The following PCCA variants were observed in gnomAD, a reference collection of about 807,000 sequenced individuals.
PCCA encodes the protein propionyl-CoA carboxylase alpha chain, mitochondrial.
In PCCA, 74 loss-of-function variants were observed where a neutral mutation model predicts 101.3. The observed-to-expected ratio is 0.73, with a 90% CI of 0.61 to 0.89. The LOEUF is 0.89. Ranked by LOEUF, PCCA falls within the 40% of genes least tolerant of loss-of-function variation. The probability of loss-of-function intolerance (pLI) is 0.00; values close to 1 mark genes in which losing one functional copy is unlikely to be tolerated. For synonymous variants in PCCA, 294 were observed against 313.6 expected, an observed-to-expected ratio of 0.94 and a Z score of 0.66; for missense variants, 891 against 907.0, an observed-to-expected ratio of 0.98 and a Z score of 0.23.
chr13:100,343,146 A>G (rs1454090548), intron 18 of PCCA, among the ~76,000 whole-genome samples: 1 of 152,222 alleles, frequency 6.6e-6, no homozygotes, highest in Non-Finnish European at 1.5e-5. Context: ...CAGTGAGCCA[A>G]GAATGCGCCA....
intron 7 of PCCA, among the ~76,000 whole-genome samples, chr13:100,218,086 A>G (rs1594779403): frequency 6.6e-6 from 1 of 151,960 alleles, no homozygotes. Context: ...AAAAAAAAAA[A>G]AATCCATTCA....
intron 2 of PCCA, among the ~76,000 whole-genome samples, chr13:100,105,409 C>T (rs1275903785): frequency 6.6e-6 from 1 of 152,124 alleles, no homozygotes; most frequent in Non-Finnish European, 1.5e-5. Context: ...TGGCTACACT[C>T]TTAAGAGTAA....
intron 19 of PCCA, among the ~76,000 whole-genome samples, chr13:100,377,284 G>A (rs773975588): frequency 1.3e-5 from 2 of 152,160 alleles, no homozygotes; most frequent in Non-Finnish European, 2.9e-5. Flanking sequence ...TGAGAAAAAT[G>A]TCTTTTTACT....
intron 6 of PCCA, among the ~76,000 whole-genome samples, chr13:100,197,980 A>C (rs1373890775): frequency 6.6e-6 from 1 of 152,184 alleles, no homozygotes; most frequent in Non-Finnish European, 1.5e-5. Flanking sequence ...AACCAAAACT[A>C]TTTACATTCG....
chr13:100,241,591 C>T, intron 8 of PCCA, among the ~76,000 whole-genome samples: 1 of 152,126 alleles, frequency 6.6e-6, no homozygotes, highest in East Asian at 1.9e-4. Flanking sequence ...CTGCCTTACC[C>T]TCCTGAGTAG....
rs374085198 is a variant in PCCA at position 100,383,745 on chromosome 13, A to G, written c.1746+15171A>G. ...TTTCATCTTAGATGCTTGAGGTGGA[A>G]GGAGGGAATTGTTTTGTAGTATTCA... On this transcript the variant is annotated intron_variant, in intron 19 of 23. Transcript: ENST00000376285. 1.1e-3 allele frequency among the ~76,000 whole-genome samples: 165 copies of G among 152,316 alleles called. 6 individuals are homozygous for G. The South Asian group carries it at 0.031, about 29-fold the overall frequency.
Position 100,521,842 on chromosome 13 carries a change from CGG to C in PCCA, c.2041-5832_2041-5831del, listed in dbSNP as rs1333059459. Among the ~76,000 whole-genome samples the C allele has an allele frequency of 8.5e-5, 13 of 152,264 alleles. No individual in the cohort carries two copies. The East Asian group carries it at 2.5e-3, about 29-fold the overall frequency. On this transcript the variant is annotated intron_variant, in intron 22 of 23. Transcript: ENST00000376285. The stretch of plus-strand genomic sequence containing the variant: ...GGGCTGATATTGATCCGTGTTTTTC[CGG>C]TGGTCCGGCGTTGCAGAAGTGGAAA...
At chr13:100,426,141 C>T (rs936003058) in intron 20 of PCCA, among the ~76,000 whole-genome samples, 4 of 152,112 alleles carry the variant, frequency 2.6e-5, no homozygotes, top group Non-Finnish European at 5.9e-5. Flanking sequence ...TGACTTTCCA[C>T]AGCTCACTGA....
intron 21 of PCCA, chr13:100,491,938 C>T (rs1361979832): frequency 1.7e-5 from 4 of 233,932 alleles, no homozygotes; most frequent in Non-Finnish European, 3.1e-5. Context: ...TCTAATGATG[C>T]CGAATTGTAA....
At chr13:100,380,630 A>G (rs1374219889) in intron 19 of PCCA, among the ~76,000 whole-genome samples, 1 of 152,252 alleles carries the variant, frequency 6.6e-6, no homozygotes, top group Non-Finnish European at 1.5e-5. Flanking sequence ...CTGGGTTCAC[A>G]TGTAAAGGAA....
intron 21 of PCCA, chr13:100,491,552 T>G: frequency 1.8e-6 from 1 of 554,110 alleles, no homozygotes; most frequent in Non-Finnish European, 3.1e-6. Flanking sequence ...AAGTACTGAC[T>G]CACTGCAAAC....
intron 4 of PCCA, among the ~76,000 whole-genome samples, chr13:100,143,550 A>T (rs867241599): frequency 2.1e-5 from 3 of 140,040 alleles, no homozygotes; most frequent in East Asian, 2.0e-4. Context: ...AAAAAAAAAA[A>T]TAAAAAAAAA....
intron 20 of PCCA, among the ~76,000 whole-genome samples, chr13:100,426,203 A>C (rs1392498434): frequency 6.6e-6 from 1 of 152,188 alleles, no homozygotes; most frequent in Non-Finnish European, 1.5e-5. Context: ...TTTTCGCCTC[A>C]ATATAAAATG....
chr13:100,181,357 T>C (rs1417210723), intron 6 of PCCA, among the ~76,000 whole-genome samples: 2 of 152,228 alleles, frequency 1.3e-5, no homozygotes, highest in Non-Finnish European at 2.9e-5. Flanking sequence ...AAAAATAAAG[T>C]AGGGCACAGA....
intron 2 of PCCA, among the ~76,000 whole-genome samples, chr13:100,105,416 G>A (rs968468593): frequency 6.6e-6 from 1 of 152,136 alleles, no homozygotes; most frequent in African/African-American, 2.4e-5. Flanking sequence ...ACTCTTAAGA[G>A]TAATTAACTA....
chr13:100,282,617 C>G (rs1462596142), intron 12 of PCCA, among the ~76,000 whole-genome samples: 1 of 152,234 alleles, frequency 6.6e-6, no homozygotes, highest in South Asian at 2.1e-4. Context: ...AGTGCCAGCC[C>G]ACCGTGCTGC....
At chr13:100,291,731 A>C (rs1048585931) in intron 12 of PCCA, among the ~76,000 whole-genome samples, 3 of 152,172 alleles carry the variant, frequency 2.0e-5, no homozygotes, top group Admixed American at 6.5e-5. Context: ...GTCTCCTAGC[A>C]TTCTCATCTC....
In PCCA at chr13:100,255,943, C is replaced by T. The variant is rs183211449; in HGVS notation, c.638-1652C>T. 2.5e-4 allele frequency among the ~76,000 whole-genome samples: 38 copies of T among 152,318 alleles called. 1 individual carries two copies. The highest frequency in any genetic ancestry group is 3.9e-4 in the Admixed American group (6 of 15,296). ...CCTTAAACTTGTCCTATAATCTCCA[C>T]CTCTGTTTTCCCCACTATTCCTGCC... On this transcript the variant is annotated intron_variant, in intron 8 of 23. Coordinates refer to ENST00000376285, the MANE Select transcript of PCCA (RefSeq NM_000282.4).
chr13:100,158,496 A>G lies in PCCA; in HGVS notation c.468+1156A>G, dbSNP rs528747082. ...TATCCTGAGGGGGCAAATTACATGG[A>G]CACATCCAGAGGTTCCAGTTTCCCA... On this transcript the variant is annotated intron_variant, in intron 6 of 23. Coordinates refer to ENST00000376285, the MANE Select transcript of PCCA (RefSeq NM_000282.4). Among the ~76,000 whole-genome samples the G allele has an allele frequency of 6.8e-4, 103 of 152,332 alleles. 1 individual carries two copies. Among genetic ancestry groups the G allele is most frequent in the African/African-American group, 2.3e-3 (94 of 41,578 alleles).
Sources: gnomAD v4.1 joint callset for allele counts (sites outside exome capture counted in the v4.1 genomes callset) on GRCh38, gnomAD v4.1.1 for gene constraint, MANE v1.5 for transcripts, NCBI Gene and HGNC (gene_info 2026-07-23, HGNC 2026-07-21) for gene names.